DCBLD1: variants seen among roughly 807,000 people sequenced by gnomAD.
DCBLD1 encodes discoidin, CUB and LCCL domain-containing protein 1.
DCBLD1 carries 57 observed loss-of-function variants against 71.5 expected under a neutral mutation model. The ratio of observed to expected loss-of-function variants is 0.80; its 90% CI spans 0.64 to 0.99. The LOEUF (loss-of-function observed/expected upper bound fraction) is 0.99. Ranked by LOEUF, DCBLD1 falls within the 50% of genes least tolerant of loss-of-function variation. DCBLD1 has a pLI of 0.00. For synonymous variants in DCBLD1, 380 were observed against 363.8 expected (o/e 1.04, Z -0.51); for missense variants, 891 against 923.5 (o/e 0.96, Z 0.46).
At chr6:117,506,916 A>G (rs1416448823) in intron 2 of DCBLD1, among the ~76,000 whole-genome samples, 2 of 152,264 alleles carry the variant, frequency 1.3e-5, no homozygotes, top group Admixed American at 6.5e-5. Context: ...GGTGGCTTCT[A>G]ATGATTCTGT....
Position 117,548,105 on chromosome 6 carries a change from T to C in DCBLD1, c.1814T>C (p.Val605Ala). ...GAGCCCGAGTACGCCACGCCCATCGTGGAGCGGCACGTGCTGCGCGCCCAC... is the reference window on the plus strand; with the variant it reads ...GAGCCCGAGTACGCCACGCCCATCGCGGAGCGGCACGTGCTGCGCGCCCAC... The part of the protein sequence containing the change: ...PPEPEYATPI[V>A]ERHVLRAHTF... The change falls in exon 15 of 15, where the codon GTG (valine) becomes GCG (alanine). Residue 605 changes from valine (V) to alanine (A), a missense_variant. Val to Ala is a moderately conservative substitution (Grantham distance 64). Transcript: ENST00000338728. 1 of 1,549,602 alleles carries C rather than the reference T, an allele frequency of 6.5e-7. No homozygotes were observed. Among genetic ancestry groups the C allele is most frequent in the Admixed American group, 2.0e-5 (1 of 50,956 alleles).
chr6:117,556,453 T>G (rs1192880152), intron 14 of DCBLD1, among the ~76,000 whole-genome samples: 1 of 152,222 alleles, frequency 6.6e-6, no homozygotes, highest in Non-Finnish European at 1.5e-5. Context: ...AGCTCCCACT[T>G]ATAAGTGAGA....
intron 11 of DCBLD1, among the ~76,000 whole-genome samples, chr6:117,542,658 G>A (rs530723769): frequency 6.6e-6 from 1 of 152,104 alleles, no homozygotes; most frequent in African/African-American, 2.4e-5. Context: ...CTGTAACGAG[G>A]ATCCCAGTTT....
chr6:117,492,709 T>G (rs1481442957), intron 1 of DCBLD1, among the ~76,000 whole-genome samples: 1 of 152,234 alleles, frequency 6.6e-6, no homozygotes, highest in Non-Finnish European at 1.5e-5. Flanking sequence ...TTTTCAGGAC[T>G]GGACTATGAT....
At chr6:117,512,673 C>T (rs1582991318) in intron 2 of DCBLD1, among the ~76,000 whole-genome samples, 1 of 152,180 alleles carries the variant, frequency 6.6e-6, no homozygotes, top group East Asian at 1.9e-4. Context: ...CCCACATGTA[C>T]TCCCAGGGAG....
intron 14 of DCBLD1, among the ~76,000 whole-genome samples, chr6:117,565,668 T>A (rs1779681618): frequency 6.6e-6 from 1 of 152,210 alleles, no homozygotes; most frequent in Non-Finnish European, 1.5e-5. Context: ...GTCAAGCTCA[T>A]GGTGATCAAC....
chr6:117,569,616 T>C (rs1779766128), intron 14 of DCBLD1: 1 of 1,613,042 alleles, frequency 6.2e-7, no homozygotes, highest in Non-Finnish European at 8.5e-7. Flanking sequence ...TTTGTGTCCC[T>C]TAGGTTAACT....
At chr6:117,493,535 T>C (rs993621316) in intron 1 of DCBLD1, among the ~76,000 whole-genome samples, 10 of 152,320 alleles carry the variant, frequency 6.6e-5, no homozygotes, top group Non-Finnish European at 1.5e-4. Flanking sequence ...TAAACATGAC[T>C]TTTTTCTCAT....
At chr6:117,517,526 G>A (rs545524295) in intron 2 of DCBLD1, among the ~76,000 whole-genome samples, 1 of 152,316 alleles carries the variant, frequency 6.6e-6, no homozygotes, top group East Asian at 1.9e-4. Context: ...TACTCTGTGT[G>A]GGGGCTCTGA....
At chr6:117,488,741 G>A (rs1777177905) in intron 1 of DCBLD1, among the ~76,000 whole-genome samples, 3 of 152,180 alleles carry the variant, frequency 2.0e-5, no homozygotes, top group Non-Finnish European at 2.9e-5. Context: ...GTGAGGGGCC[G>A]GCAGTCTTGA....
intron 11 of DCBLD1, among the ~76,000 whole-genome samples, chr6:117,542,219 G>A (rs1225927450): frequency 6.7e-6 from 1 of 149,436 alleles, no homozygotes; most frequent in Non-Finnish European, 1.5e-5. Context: ...CTTGAACCCA[G>A]AAGGCGAAGG....
chr6:117,544,833 GGCCACGACACT>G lies in DCBLD1; in HGVS notation c.1495+258_1495+268del, dbSNP rs560952323. ...CTTTTTTCTTGGCCACTGGAGTTTA[GGCCACGACACT>G]GTCTGCCATCAAGGAGGTATGACAA... On this transcript the variant is annotated intron_variant, in intron 13 of 14. Coordinates refer to ENST00000338728, the MANE Select transcript of DCBLD1 (RefSeq NM_001366458.2). Among the ~76,000 whole-genome samples, 476 of 151,808 alleles carry G rather than the reference GGCCACGACACT, an allele frequency of 3.1e-3. 1 individual carries two copies. Among genetic ancestry groups the G allele is most frequent in the African/African-American group, 0.011 (455 of 41,396 alleles).
chr6:117,569,710 G>T, exon 15 of DCBLD1: 1 of 1,602,614 alleles, frequency 6.2e-7, no homozygotes, highest in South Asian at 1.1e-5. Flanking sequence ...CAGAGATGAG[G>T]ATTGGAACAC....
At chr6:117,544,605 T>C in intron 13 of DCBLD1, 28 bp downstream of exon 13, 1 of 1,613,190 alleles carries the variant, frequency 6.2e-7, no homozygotes, top group Non-Finnish European at 8.5e-7. Context: ...TCTACAATTT[T>C]ATCTGTCTTT....
chr6:117,523,246 T>C (rs1778442222), intron 4 of DCBLD1, among the ~76,000 whole-genome samples: 1 of 152,166 alleles, frequency 6.6e-6, no homozygotes, highest in South Asian at 2.1e-4. Flanking sequence ...CCAGCCATTT[T>C]GTAGTGTTTA....
At chr6:117,569,216 T>C (rs1251649373) in intron 14 of DCBLD1, among the ~76,000 whole-genome samples, 3 of 152,234 alleles carry the variant, frequency 2.0e-5, no homozygotes, top group Non-Finnish European at 2.9e-5. Flanking sequence ...ACCTTATATA[T>C]AGTGTTCTAG....
intron 14 of DCBLD1, chr6:117,569,544 C>A: frequency 6.2e-7 from 1 of 1,608,604 alleles, no homozygotes; most frequent in South Asian, 1.1e-5. Context: ...TTGATAGATC[C>A]AGTTCTAATT....
rs752789874 is a variant in DCBLD1, at chr6:117,535,711, C to T, written c.720-1474C>T. The stretch of plus-strand genomic sequence containing the variant: ...AGTGAGCTTAGTTTCTTAGGGTCGC[C>T]GCAGCATTATTTAGGCTTATTTGAG... On this transcript the variant is annotated intron_variant, in intron 6 of 14. Coordinates refer to ENST00000338728, the MANE Select transcript of DCBLD1 (RefSeq NM_001366458.2). Among the ~76,000 whole-genome samples the T allele has an allele frequency of 1.3e-4, 20 of 151,958 alleles. 1 individual carries two copies. Among genetic ancestry groups the T allele is most frequent in the South Asian group, 2.1e-4 (1 of 4,796 alleles).
chr6:117,545,719 T>C (rs1779246685), intron 14 of DCBLD1, 122 bp downstream of exon 14: 14 of 1,402,082 alleles, frequency 1.0e-5, no homozygotes, highest in African/African-American at 1.4e-5. Context: ...AAATCTGAAA[T>C]GTGTTTTTTC....
Sources: gnomAD v4.1 joint callset for allele counts (sites outside exome capture counted in the v4.1 genomes callset) on GRCh38, gnomAD v4.1.1 for gene constraint, MANE v1.5 for transcripts, NCBI Gene and HGNC (gene_info 2026-07-23, HGNC 2026-07-21) for gene names.